IRF2: variants seen among roughly 807,000 people sequenced by gnomAD.
The protein encoded by IRF2 is interferon regulatory factor 2.
Under a neutral mutation model 40.6 loss-of-function variants are expected in IRF2, and 15 were observed. The ratio of observed to expected loss-of-function variants is 0.37; its 90% CI spans 0.25 to 0.57. IRF2 has a LOEUF of 0.57. IRF2 is among the 20% of genes least tolerant of loss of function. The pLI is 0.77. For missense variants in IRF2, 317 were observed against 455.7 expected, an observed-to-expected ratio of 0.70 and a Z score of 2.77; for synonymous variants, 151 against 165.5, an observed-to-expected ratio of 0.91 and a Z score of 0.67.
chr4:184,390,985 C>T (rs1736241246), intron 7 of IRF2, among the ~76,000 whole-genome samples: 2 of 152,230 alleles, frequency 1.3e-5, no homozygotes, highest in Admixed American at 6.5e-5. Flanking sequence ...GCTGTGTATA[C>T]ACTGGGCACT....
chr4:184,464,168 G>A (rs962990370), intron 1 of IRF2, among the ~76,000 whole-genome samples: 1 of 152,126 alleles, frequency 6.6e-6, no homozygotes, highest in Non-Finnish European at 1.5e-5. Flanking sequence ...GGAATGTATA[G>A]GATAGGAAGA....
intron 7 of IRF2, among the ~76,000 whole-genome samples, chr4:184,396,642 C>T (rs545033061): frequency 4.4e-4 from 67 of 151,994 alleles, no homozygotes; most frequent in African/African-American, 1.6e-3. Flanking sequence ...CACTATGTTG[C>T]CCAGGCTGGT....
intron 5 of IRF2, among the ~76,000 whole-genome samples, chr4:184,412,679 T>G (rs1737120690): frequency 6.6e-6 from 1 of 152,206 alleles, no homozygotes; most frequent in Non-Finnish European, 1.5e-5. Context: ...TAAGACAGGC[T>G]GGGGCCTCCT....
intron 7 of IRF2, among the ~76,000 whole-genome samples, chr4:184,393,338 T>C (rs1023499746): frequency 1.3e-5 from 2 of 152,256 alleles, no homozygotes; most frequent in African/African-American, 2.4e-5. Context: ...AGCCAAGCTT[T>C]CTCTTCCTTT....
intron 1 of IRF2, among the ~76,000 whole-genome samples, chr4:184,461,310 T>TA (rs936857196): frequency 2.3e-4 from 35 of 152,190 alleles, no homozygotes; most frequent in African/African-American, 7.9e-4. Context: ...GAGTCTGTTT[T>TA]AAAAAAAATA....
At chr4:184,395,838 G>T (rs2149891971) in intron 7 of IRF2, among the ~76,000 whole-genome samples, 1 of 152,332 alleles carries the variant, frequency 6.6e-6, no homozygotes, top group African/African-American at 2.4e-5. Context: ...TCAAACCTAT[G>T]CAAATGTCCT....
At chr4:184,459,882 A>G (rs1479514156) in intron 1 of IRF2, among the ~76,000 whole-genome samples, 5 of 152,248 alleles carry the variant, frequency 3.3e-5, no homozygotes, top group African/African-American at 1.2e-4. Flanking sequence ...AGGTGTGGAG[A>G]AGCTGGAACC....
At chr4:184,395,867 T>C (rs1036696990) in intron 7 of IRF2, among the ~76,000 whole-genome samples, 2 of 152,220 alleles carry the variant, frequency 1.3e-5, no homozygotes, top group African/African-American at 2.4e-5. Flanking sequence ...TAATGAAATG[T>C]TCATTTCTCT....
At chr4:184,465,804 G>A (rs939644758) in intron 1 of IRF2, among the ~76,000 whole-genome samples, 6 of 152,170 alleles carry the variant, frequency 3.9e-5, no homozygotes, top group East Asian at 3.8e-4. Context: ...ATAAACATCC[G>A]TGTACATACA....
At chr4:184,424,542 C>T (rs1486273085) in intron 2 of IRF2, among the ~76,000 whole-genome samples, 3 of 152,218 alleles carry the variant, frequency 2.0e-5, no homozygotes, top group Non-Finnish European at 4.4e-5. Flanking sequence ...GAAGAGAGAC[C>T]TGTGCTAGCA....
intron 2 of IRF2, among the ~76,000 whole-genome samples, chr4:184,428,508 C>T (rs1382454682): frequency 6.6e-6 from 1 of 152,180 alleles, no homozygotes; most frequent in African/African-American, 2.4e-5. Flanking sequence ...GGATACAAAT[C>T]CTTTTGTGAC....
intron 1 of IRF2, among the ~76,000 whole-genome samples, chr4:184,458,560 T>G (rs1320762871): frequency 6.6e-6 from 1 of 152,248 alleles, no homozygotes; most frequent in Admixed American, 6.5e-5. Flanking sequence ...ATTTTAAGGA[T>G]TTTTAAAATC....
chr4:184,412,859 T>C (rs1350490216), intron 5 of IRF2, among the ~76,000 whole-genome samples: 1 of 152,162 alleles, frequency 6.6e-6, no homozygotes, highest in Non-Finnish European at 1.5e-5. Flanking sequence ...AAGGCATCAG[T>C]TTCCAAAGCT....
chr4:184,401,177 G>A (rs368982730), intron 6 of IRF2, among the ~76,000 whole-genome samples: 96 of 152,356 alleles, frequency 6.3e-4, no homozygotes, highest in African/African-American at 2.2e-3. Flanking sequence ...GACGCCAGGC[G>A]TCATGGAGAG....
intron 1 of IRF2, among the ~76,000 whole-genome samples, chr4:184,436,211 G>A (rs994012858): frequency 6.6e-6 from 1 of 152,128 alleles, no homozygotes; most frequent in African/African-American, 2.4e-5. Context: ...TCTTGACCTC[G>A]TGATCCGCCC....
At chr4:184,454,831 C>T (rs1025438744) in intron 1 of IRF2, among the ~76,000 whole-genome samples, 3 of 152,104 alleles carry the variant, frequency 2.0e-5, no homozygotes, top group Non-Finnish European at 2.9e-5. Context: ...GCAGAGCTAC[C>T]GTGAGAAGAA....
intron 8 of IRF2, among the ~76,000 whole-genome samples, chr4:184,390,264 C>T (rs1204698287): frequency 6.6e-6 from 1 of 152,234 alleles, no homozygotes; most frequent in East Asian, 1.9e-4. Context: ...ACACAACCAG[C>T]TCTGGGCACG....
chr4:184,411,028 CT>C (rs1229998623), intron 5 of IRF2, among the ~76,000 whole-genome samples: 1 of 151,204 alleles, frequency 6.6e-6, no homozygotes, highest in Non-Finnish European at 1.5e-5. Flanking sequence ...CTGAGACACT[CT>C]TTTGAACACT....
chr4:184,424,449 TGCCC>T (rs1737596433), intron 2 of IRF2, among the ~76,000 whole-genome samples: 2 of 152,154 alleles, frequency 1.3e-5, no homozygotes, highest in African/African-American at 4.8e-5. Flanking sequence ...ATGAGGGCCC[TGCCC>T]TCATGAATGG....
Sources: allele counts gnomAD v4.1 joint callset (sites outside exome capture counted in the v4.1 genomes callset), GRCh38; gene constraint gnomAD v4.1.1; transcripts MANE v1.5; gene names NCBI Gene and HGNC (gene_info 2026-07-23, HGNC 2026-07-21).